Variants in DLG2 observed in about 807,000 individuals in gnomAD.
DLG2 encodes the protein discs large MAGUK scaffold protein 2, also known as disks large homolog 2.
Under a neutral mutation model 132.5 loss-of-function variants are expected in DLG2, and 45 were observed. The ratio of observed to expected loss-of-function variants is 0.34; its 90% CI spans 0.27 to 0.44. The LOEUF (loss-of-function observed/expected upper bound fraction) is 0.44. DLG2 is among the 20% of genes least tolerant of loss of function. The probability of loss-of-function intolerance (pLI) is 1.00; values close to 1 mark genes in which losing one functional copy is unlikely to be tolerated. For synonymous variants in DLG2, 424 were observed against 419.6 expected (o/e 1.01, Z -0.13); for missense variants, 1,045 against 1,196.9 (o/e 0.87, Z 1.87).
intron 9 of DLG2, among the ~76,000 whole-genome samples, chr11:84,107,899 ATCAGC>A (rs1359018334): frequency 6.6e-6 from 1 of 152,112 alleles, no homozygotes; most frequent in Admixed American, 6.6e-5. Flanking sequence ...ACACTTAGGG[ATCAGC>A]TGGAGCCTGC....
chr11:83,506,868 G>T (rs1055624293), intron 21 of DLG2, among the ~76,000 whole-genome samples: 1 of 152,102 alleles, frequency 6.6e-6, no homozygotes, highest in Non-Finnish European at 1.5e-5. Flanking sequence ...ACCTTTCATT[G>T]CAGGTCAGCC....
chr11:84,172,996 CT>C (rs970812257), intron 8 of DLG2, among the ~76,000 whole-genome samples: 1 of 151,930 alleles, frequency 6.6e-6, no homozygotes, highest in African/African-American at 2.4e-5. Flanking sequence ...TAATTAGCGG[CT>C]TTTTAGCTAT....
intron 6 of DLG2, among the ~76,000 whole-genome samples, chr11:84,743,425 A>T (rs900105286): frequency 6.6e-6 from 1 of 152,124 alleles, no homozygotes; most frequent in African/African-American, 2.4e-5. Context: ...ATTTACTTAT[A>T]TTCTGATTTG....
chr11:85,204,319 TAATA>T (rs916097133), intron 4 of DLG2, among the ~76,000 whole-genome samples: 6 of 152,140 alleles, frequency 3.9e-5, no homozygotes, highest in Non-Finnish European at 7.4e-5. Context: ...CTGTTAGAAC[TAATA>T]AATTTGGTAA....
intron 6 of DLG2, among the ~76,000 whole-genome samples, chr11:84,714,611 TTC>T (rs1421808259): frequency 4.3e-4 from 40 of 93,522 alleles, no homozygotes; most frequent in East Asian, 9.2e-4. Flanking sequence ...CTCTTTCTCT[TTC>T]TCTTTCTCTT....
intron 7 of DLG2, among the ~76,000 whole-genome samples, chr11:84,326,107 T>G (rs1479759148): frequency 6.6e-6 from 1 of 152,050 alleles, no homozygotes; most frequent in Non-Finnish European, 1.5e-5. Context: ...TTTTAAAAAA[T>G]TTTAGCTATT....
intron 6 of DLG2, among the ~76,000 whole-genome samples, chr11:84,814,785 C>T (rs1210516493): frequency 1.3e-5 from 2 of 152,094 alleles, no homozygotes; most frequent in Non-Finnish European, 2.9e-5. Context: ...CTTTGCTATA[C>T]TCTTACATTG....
At chr11:84,698,100 G>T (rs995098435) in intron 6 of DLG2, among the ~76,000 whole-genome samples, 1 of 151,286 alleles carries the variant, frequency 6.6e-6, no homozygotes, top group Non-Finnish European at 1.5e-5. Context: ...ATGTGTCTGG[G>T]GATTTGACCT....
intron 17 of DLG2, among the ~76,000 whole-genome samples, chr11:83,820,578 A>G (rs1213289449): frequency 2.6e-5 from 4 of 152,158 alleles, no homozygotes; most frequent in Admixed American, 2.0e-4. Flanking sequence ...GATTTGTCTC[A>G]TCTTTTATGG....
chr11:83,765,320 G>A (rs1384343429), intron 18 of DLG2, among the ~76,000 whole-genome samples: 1 of 152,166 alleles, frequency 6.6e-6, no homozygotes, highest in South Asian at 2.1e-4. Flanking sequence ...ATTACTGCTA[G>A]AGGAATTAAT....
intron 6 of DLG2, among the ~76,000 whole-genome samples, chr11:84,684,367 T>C (rs1422501161): frequency 3.3e-5 from 5 of 152,204 alleles, no homozygotes; most frequent in African/African-American, 1.2e-4. Flanking sequence ...ACTTCCTTTA[T>C]ACAACTTTCT....
At chr11:84,991,945 T>C (rs898590584) in intron 6 of DLG2, among the ~76,000 whole-genome samples, 1 of 152,220 alleles carries the variant, frequency 6.6e-6, no homozygotes, top group African/African-American at 2.4e-5. Context: ...GGTCTAAATT[T>C]ATCTCTCCAG....
intron 11 of DLG2, among the ~76,000 whole-genome samples, chr11:84,017,557 A>C (rs1407978900): frequency 2.0e-5 from 3 of 152,050 alleles, no homozygotes; most frequent in Admixed American, 6.6e-5. Flanking sequence ...TTTCATGCAG[A>C]TATTTTAATT....
At chr11:83,553,017 AT>A (rs1045139940) in intron 19 of DLG2, among the ~76,000 whole-genome samples, 1 of 152,164 alleles carries the variant, frequency 6.6e-6, no homozygotes, top group African/African-American at 2.4e-5. Context: ...CTGTAGGTGT[AT>A]CTTTCCTTCT....
intron 9 of DLG2, among the ~76,000 whole-genome samples, chr11:84,152,282 T>C (rs755352722): frequency 6.6e-6 from 1 of 152,198 alleles, no homozygotes; most frequent in Non-Finnish European, 1.5e-5. Context: ...AACTCTTCAT[T>C]ATCATATAAT....
At chr11:83,588,024 G>A (rs947018323) in intron 19 of DLG2, among the ~76,000 whole-genome samples, 5 of 152,212 alleles carry the variant, frequency 3.3e-5, no homozygotes, top group African/African-American at 1.2e-4. Flanking sequence ...AGCAGTCTGA[G>A]ATCAAACTGC....
At chr11:83,996,943 T>C (rs2094063166) in intron 11 of DLG2, among the ~76,000 whole-genome samples, 1 of 152,062 alleles carries the variant, frequency 6.6e-6, no homozygotes, top group Non-Finnish European at 1.5e-5. Flanking sequence ...AATAACTTAA[T>C]ATTTAAAAAT....
At chr11:84,847,302 G>A (rs2081598648) in intron 6 of DLG2, among the ~76,000 whole-genome samples, 1 of 152,154 alleles carries the variant, frequency 6.6e-6, no homozygotes, top group Admixed American at 6.6e-5. Context: ...AGAAAAGGTT[G>A]TTTGCATGAC....
intron 6 of DLG2, among the ~76,000 whole-genome samples, chr11:84,856,242 C>T (rs1257272407): frequency 2.0e-5 from 3 of 152,072 alleles, no homozygotes; most frequent in African/African-American, 7.2e-5. Flanking sequence ...ATATTTCATC[C>T]TGTGAAAGTA....
Sources: gnomAD v4.1 joint callset for allele counts (sites outside exome capture counted in the v4.1 genomes callset) on GRCh38, gnomAD v4.1.1 for gene constraint, MANE v1.5 for transcripts, NCBI Gene and HGNC (gene_info 2026-07-23, HGNC 2026-07-21) for gene names.